Variants in GNE observed in about 807,000 individuals in gnomAD.
GNE encodes glucosamine (UDP-N-acetyl)-2-epimerase/N-acetylmannosamine kinase.
GNE carries 41 observed loss-of-function variants against 61.8 expected under a neutral mutation model. That is an observed-to-expected ratio of 0.66 (90% CI 0.52 to 0.86). The LOEUF (loss-of-function observed/expected upper bound fraction) is 0.86, where lower values mean the gene tolerates loss of function less well. GNE is among the 40% of genes least tolerant of loss of function. The pLI is 0.00. For missense variants in GNE, 608 were observed against 909.1 expected (o/e 0.67, Z 4.26); for synonymous variants, 264 against 326.4 (o/e 0.81, Z 2.06).
chr9:36,267,455 G>A (rs1428736933), intron 1 of GNE, among the ~76,000 whole-genome samples: 1 of 150,734 alleles, frequency 6.6e-6, no homozygotes, highest in African/African-American at 2.4e-5. Flanking sequence ...CCAACACTTT[G>A]GGAGGCCGAG....
At chr9:36,220,675 A>G (rs992964214) in intron 9 of GNE, among the ~76,000 whole-genome samples, 1 of 152,216 alleles carries the variant, frequency 6.6e-6, no homozygotes, top group South Asian at 2.1e-4. Flanking sequence ...AATACCCAAG[A>G]TAAGTCTTTT....
chr9:36,219,683 A>G (rs1022199651), intron 10 of GNE, among the ~76,000 whole-genome samples, 155 bp downstream of exon 10: 1 of 152,160 alleles, frequency 6.6e-6, no homozygotes, highest in African/African-American at 2.4e-5. Flanking sequence ...AGCCAAGAAG[A>G]CTGTGCAGTT....
chr9:36,227,705 C>CT (rs1237637211), intron 6 of GNE, among the ~76,000 whole-genome samples: 1 of 152,056 alleles, frequency 6.6e-6, no homozygotes, highest in African/African-American at 2.4e-5. Context: ...CATAGCAACT[C>CT]TATCTCTACA....
At chr9:36,253,115 T>C (rs1478894116) in intron 1 of GNE, among the ~76,000 whole-genome samples, 1 of 152,012 alleles carries the variant, frequency 6.6e-6, no homozygotes, top group Non-Finnish European at 1.5e-5. Context: ...TGAGCCAAGA[T>C]GGTGCCACTG....
At chr9:36,268,722 A>G (rs996674888) in intron 1 of GNE, among the ~76,000 whole-genome samples, 2 of 152,166 alleles carry the variant, frequency 1.3e-5, no homozygotes, top group Non-Finnish European at 2.9e-5. Flanking sequence ...TAAAGGAACT[A>G]GCTAAGATCA....
At chr9:36,246,670 T>G (rs532311914) in intron 2 of GNE, among the ~76,000 whole-genome samples, 188 bp from the exon 3 acceptor site, 1 of 146,322 alleles carries the variant, frequency 6.8e-6, no homozygotes, top group Non-Finnish European at 1.5e-5. Context: ...CTTTTTTTTT[T>G]TTTTTTTTTT....
At position 36,214,818 on chromosome 9, in the gene GNE, G is replaced by C. The variant is rs567895721; in HGVS notation, c.*2547C>G. 6.6e-6 allele frequency: 1 copy of C among 152,294 alleles called. No individual in the cohort carries two copies. Among genetic ancestry groups the C allele is most frequent in the South Asian group, 2.1e-4 (1 of 4,822 alleles). 9.4% of individuals were successfully genotyped at this position (152,294 alleles called of 1,614,324 possible). On this transcript the variant is annotated 3_prime_UTR_variant, in exon 12 of 12. Transcript: ENST00000642385. ...ATGTCTGAACAATAACCAGGCCCTGGAGATTACTGCAGGGCTGGCAGAGTT... is the reference window on the plus strand; with the variant it reads ...ATGTCTGAACAATAACCAGGCCCTGCAGATTACTGCAGGGCTGGCAGAGTT...
chr9:36,252,232 G>A (rs1225505408), intron 1 of GNE, among the ~76,000 whole-genome samples: 1 of 151,898 alleles, frequency 6.6e-6, no homozygotes, highest in African/African-American at 2.4e-5. Context: ...TGATCCACCC[G>A]CCTCGGCCTC....
chr9:36,249,671 G>A (rs987196597), intron 1 of GNE, among the ~76,000 whole-genome samples: 11 of 151,940 alleles, frequency 7.2e-5, no homozygotes, highest in Admixed American at 3.9e-4. Flanking sequence ...GAGGTCAGGA[G>A]ATCAAGACCA....
chr9:36,223,338 T>C (rs1204520085), intron 8 of GNE, 35 bp downstream of exon 8: 1 of 1,584,786 alleles, frequency 6.3e-7, no homozygotes, highest in Admixed American at 1.7e-5. Context: ...TACATTAAAA[T>C]GAGCATTTCT....
chr9:36,229,787 T>C (rs1410729402), intron 5 of GNE, among the ~76,000 whole-genome samples: 4 of 151,946 alleles, frequency 2.6e-5, no homozygotes, highest in South Asian at 2.1e-4. Context: ...GGATGGGCAG[T>C]AGACAGGCAG....
At chr9:36,226,253 A>G (rs1828859123) in intron 7 of GNE, among the ~76,000 whole-genome samples, 1 of 151,946 alleles carries the variant, frequency 6.6e-6, no homozygotes, top group Non-Finnish European at 1.5e-5. Flanking sequence ...GCTCACTGTA[A>G]TCTCCACCTC....
intron 3 of GNE, among the ~76,000 whole-genome samples, chr9:36,238,111 G>GAT (rs1031634621): frequency 1.6e-5 from 2 of 124,506 alleles, no homozygotes; most frequent in African/African-American, 6.6e-5. Flanking sequence ...GATATAAATA[G>GAT]ATATATATAG....
rs1387427822 is a variant in GNE, at chr9:36,246,353, G to A, written c.294C>T (p.Val98=). Residue 98 remains valine, a synonymous_variant, in exon 3 of 12, where the codon GTC becomes GTT. Transcript: ENST00000642385. ...TGATATCAGGCTTCAGGCGATTAAG[G>A]ACATCTGGCAGCTTCACTAGGGCCA... is the stretch of plus-strand genomic sequence containing the variant. ...VGLALVKLPD[V]LNRLKPDIMI... The A allele has an allele frequency of 1.2e-6, 2 of 1,614,026 alleles. No individual in the cohort carries two copies. Among genetic ancestry groups the A allele is most frequent in the Non-Finnish European group, 1.7e-6 (2 of 1,179,906 alleles).
At chr9:36,217,909 C>A (rs912350528) in intron 11 of GNE, among the ~76,000 whole-genome samples, 3 of 152,192 alleles carry the variant, frequency 2.0e-5, no homozygotes, top group African/African-American at 7.2e-5. Context: ...TTTTTTCTTA[C>A]AACTGTCCTA....
intron 1 of GNE, among the ~76,000 whole-genome samples, chr9:36,272,915 T>TAAAAAAA (rs1314212130): frequency 7.2e-5 from 1 of 13,828 alleles, no homozygotes. Flanking sequence ...CTAGTAAAAA[T>TAAAAAAA]ACAAAAAAAA....
chr9:36,225,230 GTTT>G lies in GNE; in HGVS notation c.1282-1731_1282-1729del, dbSNP rs1470223321. ...TTCCTGGTTTCAGTTATTCTTAGGA[GTTT>G]TTGTTGTTGTTCTGAATAAGATCTC... On this transcript the variant is annotated intron_variant, in intron 7 of 11. Coordinates refer to ENST00000642385, the MANE Select transcript of GNE (RefSeq NM_005476.7). Among the ~76,000 whole-genome samples, 5 of 152,030 alleles carry G rather than the reference GTTT, an allele frequency of 3.3e-5. 1 individual carries two copies. Among genetic ancestry groups the G allele is most frequent in the Non-Finnish European group, 7.4e-5 (5 of 68,014 alleles).
upstream of GNE, among the ~76,000 whole-genome samples, chr9:36,262,410 C>T (rs1181747499): frequency 6.6e-6 from 1 of 152,082 alleles, no homozygotes; most frequent in Non-Finnish European, 1.5e-5. Context: ...GAGGCATTTT[C>T]TCTTGGCTTT....
At chr9:36,231,311 T>G (rs866494664) in intron 5 of GNE, among the ~76,000 whole-genome samples, 125 of 152,002 alleles carry the variant, frequency 8.2e-4, no homozygotes, top group African/African-American at 2.8e-3. Context: ...CAAAACATTT[T>G]GTAAAAACAT....
Sources: allele counts gnomAD v4.1 joint callset (sites outside exome capture counted in the v4.1 genomes callset), GRCh38; gene constraint gnomAD v4.1.1; transcripts MANE v1.5; gene names NCBI Gene and HGNC (gene_info 2026-07-23, HGNC 2026-07-21).